Variants in FAM153A observed in about 807,000 individuals in gnomAD.
FAM153A encodes family with sequence similarity 153 member A.
In FAM153A, 12 loss-of-function variants were observed where a neutral mutation model predicts 48.1. The observed-to-expected ratio is 0.25, with a 90% CI of 0.16 to 0.40. FAM153A has a LOEUF of 0.40. Ranked by LOEUF, FAM153A falls within the 10% of genes least tolerant of loss-of-function variation. FAM153A has a pLI of 1.00. For missense variants in FAM153A, 111 were observed against 345.8 expected, an observed-to-expected ratio of 0.32 and a Z score of 5.38; for synonymous variants, 36 against 118.2, an observed-to-expected ratio of 0.30 and a Z score of 4.51.
At chr5:177,743,190 G>GTTTTT (rs757108757) in intron 6 of FAM153A, among the ~76,000 whole-genome samples, 2 of 75,758 alleles carry the variant, frequency 2.6e-5, no homozygotes, top group African/African-American at 4.9e-5. Flanking sequence ...GCATTCACTT[G>GTTTTT]TTTTTTTTTT....
the FAM153A span, among the ~76,000 whole-genome samples, chr5:177,700,128 G>A: frequency 6.6e-6 from 1 of 151,886 alleles, no homozygotes; most frequent in Non-Finnish European, 1.5e-5. Flanking sequence ...AGTAACTTCA[G>A]ATAAAGCATT....
At chr5:177,781,795 T>A (rs1243227956), upstream of FAM153A, 2 of 97,322 alleles carry the variant, frequency 2.1e-5, 1 homozygote, top group Non-Finnish European at 4.4e-5. Flanking sequence ...CTCGGCTCAC[T>A]GCAAGCTGCG....
chr5:177,696,942 A>C, the FAM153A span, among the ~76,000 whole-genome samples: 15 of 151,914 alleles, frequency 9.9e-5, no homozygotes, highest in African/African-American at 2.9e-4. Context: ...TTGTATTTTC[A>C]TATCAATTTT....
downstream of FAM153A, among the ~76,000 whole-genome samples, chr5:177,718,787 CAAT>C (rs1300625075): frequency 7.0e-6 from 1 of 142,026 alleles, no homozygotes; most frequent in African/African-American, 2.6e-5. Flanking sequence ...ATAAATGAGT[CAAT>C]AAAATTAAGA....
At chr5:177,730,659 C>T (rs1327447102) in intron 16 of FAM153A, among the ~76,000 whole-genome samples, 1 of 139,174 alleles carries the variant, frequency 7.2e-6, no homozygotes. Flanking sequence ...GATCAGTTGG[C>T]CTAGGAAGAA....
At chr5:177,768,384 C>T (rs1768876811) in intron 1 of FAM153A, among the ~76,000 whole-genome samples, 1 of 151,896 alleles carries the variant, frequency 6.6e-6, no homozygotes, top group Non-Finnish European at 1.5e-5. Context: ...TGACAACCTT[C>T]AGCTCTTCTC....
At chr5:177,716,964 A>AGTGTGTGTGT (rs59312087) in intron 24 of FAM153A, among the ~76,000 whole-genome samples, 14,300 of 127,462 alleles carry the variant, frequency 0.11, 1,141 homozygotes, top group African/African-American at 0.16. Context: ...ATTCCCGCTT[A>AGTGTGTGTGT]GTGTGTGTGT....
At chr5:177,712,594 C>A (rs913867999) in exon 27 of FAM153A, 1 of 151,782 alleles carries the variant, frequency 6.6e-6, no homozygotes, top group African/African-American at 2.4e-5. Flanking sequence ...GGCTGGTATA[C>A]CACGTGGTTA....
At chr5:177,758,636 C>A (rs1279737171) in intron 1 of FAM153A, among the ~76,000 whole-genome samples, 39 of 148,798 alleles carry the variant, frequency 2.6e-4, no homozygotes, top group Non-Finnish European at 5.5e-4. Context: ...AGATATAGAC[C>A]AATGGAACAG....
chr5:177,701,546 C>CA, the FAM153A span, among the ~76,000 whole-genome samples: 7 of 151,658 alleles, frequency 4.6e-5, no homozygotes, highest in South Asian at 1.5e-3. Flanking sequence ...GCCTGGGTGA[C>CA]AGAGTGAGAC....
chr5:177,735,506 TC>T (rs202088706), intron 12 of FAM153A, among the ~76,000 whole-genome samples: 992 of 13,490 alleles, frequency 0.074, 64 homozygotes, highest in African/African-American at 0.14. Context: ...CTCCCCATGC[TC>T]ACACTGACTC....
downstream of FAM153A, among the ~76,000 whole-genome samples, chr5:177,705,860 A>T (rs1194605603): frequency 6.6e-6 from 1 of 151,362 alleles, no homozygotes; most frequent in African/African-American, 2.4e-5. Flanking sequence ...GGGTTTCACC[A>T]TGTTGGCCAG....
chr5:177,716,638 T>C (rs7734165), intron 24 of FAM153A, among the ~76,000 whole-genome samples: 2,107 of 151,822 alleles, frequency 0.014, 103 homozygotes, highest in African/African-American at 0.049. Context: ...AAATATATTG[T>C]TTTTAATGAC....
exon 21 of FAM153A, chr5:177,724,199 T>C (rs1328953539): frequency 6.2e-7 from 1 of 1,602,946 alleles, no homozygotes; most frequent in South Asian, 1.1e-5. Flanking sequence ...TTGGGCTTTC[T>C]GGTTTTCCTG....
Position 177,739,112 on chromosome 5 carries a change from C to T in FAM153A, c.562+1G>A. 1 of 1,612,938 alleles carries T rather than the reference C, an allele frequency of 6.2e-7. No individual in the cohort carries two copies. The highest frequency in any genetic ancestry group is 8.5e-7 in the Non-Finnish European group (1 of 1,179,974). ...CAAAAAGGTGATCCCAGAATACATA[C>T]CGTTGGTTTGGGTGCCTGCGTCTGC... On this transcript the variant is annotated splice_donor_variant, in intron 10 of 20. Coordinates refer to ENST00000614127, the Ensembl canonical transcript of FAM153A. LOFTEE classifies it high-confidence loss of function.
chr5:177,721,899 T>A (rs1306119375), downstream of FAM153A: 1 of 149,492 alleles, frequency 6.7e-6, no homozygotes, highest in African/African-American at 2.5e-5. Flanking sequence ...CATATTGATG[T>A]AACTTACCAT....
intron 1 of FAM153A, among the ~76,000 whole-genome samples, chr5:177,759,824 G>A (rs547495498): frequency 3.3e-5 from 5 of 151,214 alleles, no homozygotes; most frequent in African/African-American, 1.2e-4. Flanking sequence ...TGGGGGGGAG[G>A]GATAGCATTA....
chr5:177,695,466 C>G, the FAM153A span, among the ~76,000 whole-genome samples: 8 of 151,954 alleles, frequency 5.3e-5, no homozygotes, highest in Admixed American at 2.0e-4. Context: ...TGACACTTAA[C>G]GAGCATGCTG....
downstream of FAM153A, among the ~76,000 whole-genome samples, chr5:177,703,614 G>T (rs576814850): frequency 6.7e-6 from 1 of 148,582 alleles, no homozygotes; most frequent in South Asian, 2.2e-4. Flanking sequence ...GGCATGGTGG[G>T]GGGTGATTGG....
Sources: allele counts gnomAD v4.1 joint callset (sites outside exome capture counted in the v4.1 genomes callset), GRCh38; gene constraint gnomAD v4.1.1; transcripts MANE v1.5; gene names NCBI Gene and HGNC (gene_info 2026-07-23, HGNC 2026-07-21).